DAB1: variants seen among roughly 807,000 people sequenced by gnomAD.
DAB1 encodes the protein disabled homolog 1.
In DAB1, 15 loss-of-function variants were observed where a neutral mutation model predicts 64.6. That is an observed-to-expected ratio of 0.23 (90% confidence interval 0.16 to 0.36). DAB1 has a LOEUF of 0.36. Among genes scored for constraint, DAB1 ranks in the 10% least tolerant of loss-of-function variants. The pLI, the probability that DAB1 is intolerant of heterozygous loss-of-function variation, is 1.00. For synonymous variants in DAB1, 235 were observed against 251.9 expected, an observed-to-expected ratio of 0.93 and a Z score of 0.64; for missense variants, 596 against 706.7, an observed-to-expected ratio of 0.84 and a Z score of 1.78.
At chr1:57,421,592 G>A (rs1684888843) in intron 1 of DAB1, among the ~76,000 whole-genome samples, 1 of 152,034 alleles carries the variant, frequency 6.6e-6, no homozygotes, top group Non-Finnish European at 1.5e-5. Context: ...TTGCCAAATA[G>A]TTACAAAGTC....
intron 7 of DAB1, among the ~76,000 whole-genome samples, chr1:57,439,427 T>TTTTGTTTTTTTTTGTTTTTTTTTTG (rs1558381438): frequency 8.7e-6 from 1 of 114,552 alleles, no homozygotes. Flanking sequence ...GGTTTTTTCT[T>TTTTGTTTTTTTTTGTTTTTTTTTTG]TTTTTTTTTT....
intron 1 of DAB1, among the ~76,000 whole-genome samples, chr1:57,346,588 G>T (rs12139429): frequency 0.42 from 63,674 of 151,790 alleles, 13,792 homozygotes; most frequent in African/African-American, 0.46. Context: ...TTTATTTATT[G>T]TCATCTCAGT....
At chr1:57,378,476 C>T (rs533551685) in intron 1 of DAB1, among the ~76,000 whole-genome samples, 1 of 152,100 alleles carries the variant, frequency 6.6e-6, no homozygotes, top group African/African-American at 2.4e-5. Flanking sequence ...ATAAAGCCAC[C>T]CATTCTGCCC....
chr1:57,985,079 T>C (rs1406270236), intron 5 of DAB1, among the ~76,000 whole-genome samples: 2 of 152,172 alleles, frequency 1.3e-5, no homozygotes, highest in African/African-American at 4.8e-5. Context: ...AACTAATTTT[T>C]GTATTTTCAG....
At chr1:58,310,633 T>A (rs1335617940) in intron 4 of DAB1, among the ~76,000 whole-genome samples, 1 of 152,148 alleles carries the variant, frequency 6.6e-6, no homozygotes, top group Non-Finnish European at 1.5e-5. Flanking sequence ...GCACACAGAC[T>A]GCCCAGTTGC....
intron 4 of DAB1, among the ~76,000 whole-genome samples, chr1:57,134,903 A>C (rs1338714730): frequency 6.6e-6 from 1 of 152,156 alleles, no homozygotes; most frequent in Admixed American, 6.5e-5. Context: ...GTGAGGATTA[A>C]ATGACCTGGT....
intron 7 of DAB1, among the ~76,000 whole-genome samples, chr1:57,443,908 C>T (rs916515358): frequency 4.6e-5 from 7 of 152,202 alleles, no homozygotes; most frequent in African/African-American, 7.2e-5. Flanking sequence ...AGTTTAGAAA[C>T]GTAATTTAGA....
intron 4 of DAB1, among the ~76,000 whole-genome samples, chr1:58,212,480 A>C (rs1233139311): frequency 6.6e-6 from 1 of 152,142 alleles, no homozygotes; most frequent in Non-Finnish European, 1.5e-5. Flanking sequence ...ATCCTCAGGT[A>C]ATTCTGTCTG....
intron 2 of DAB1, among the ~76,000 whole-genome samples, chr1:57,269,804 G>A (rs1436874018): frequency 6.6e-6 from 1 of 152,162 alleles, no homozygotes; most frequent in Non-Finnish European, 1.5e-5. Context: ...GAAGGTTGGA[G>A]AGGGACTGAG....
At chr1:58,223,986 C>A (rs1042376476) in intron 4 of DAB1, among the ~76,000 whole-genome samples, 3 of 152,192 alleles carry the variant, frequency 2.0e-5, no homozygotes, top group Non-Finnish European at 2.9e-5. Flanking sequence ...CTGTCTCCTG[C>A]GTTCTCAAAG....
At chr1:57,081,104 T>G (rs911717025) in intron 4 of DAB1, among the ~76,000 whole-genome samples, 2 of 152,298 alleles carry the variant, frequency 1.3e-5, no homozygotes, top group Admixed American at 6.5e-5. Flanking sequence ...CCAGAAGGCA[T>G]GTACTGTATA....
chr1:57,674,524 A>G (rs1381790479), intron 6 of DAB1, among the ~76,000 whole-genome samples: 3 of 151,972 alleles, frequency 2.0e-5, no homozygotes, highest in African/African-American at 4.8e-5. Flanking sequence ...AGCTCTGCTC[A>G]TCTCTGCTTT....
intron 2 of DAB1, among the ~76,000 whole-genome samples, chr1:57,183,537 G>A (rs969096645): frequency 6.6e-6 from 1 of 152,124 alleles, no homozygotes; most frequent in Non-Finnish European, 1.5e-5. Context: ...GGGTTGATGA[G>A]TCCATTCCTG....
At chr1:57,094,718 C>T (rs1190802994) in intron 4 of DAB1, among the ~76,000 whole-genome samples, 1 of 152,126 alleles carries the variant, frequency 6.6e-6, no homozygotes, top group East Asian at 1.9e-4. Context: ...TATGAGTAGA[C>T]CCACTGAAGG....
intron 4 of DAB1, among the ~76,000 whole-genome samples, chr1:58,188,786 A>C (rs1037321109): frequency 6.6e-6 from 1 of 152,176 alleles, no homozygotes; most frequent in Non-Finnish European, 1.5e-5. Flanking sequence ...AAAGGAGGTA[A>C]CTCACTGATT....
At chr1:57,090,159 A>G (rs780173728) in intron 4 of DAB1, among the ~76,000 whole-genome samples, 48 of 152,190 alleles carry the variant, frequency 3.2e-4, no homozygotes, top group South Asian at 2.1e-4. Context: ...GAATAATAGG[A>G]AGTCTTCAGA....
intron 5 of DAB1, among the ~76,000 whole-genome samples, chr1:58,088,337 G>A (rs560207732): frequency 6.6e-6 from 1 of 152,298 alleles, no homozygotes; most frequent in African/African-American, 2.4e-5. Flanking sequence ...TTGCTGAAAC[G>A]AATCCAAGTG....
intron 3 of DAB1, among the ~76,000 whole-genome samples, chr1:58,444,996 T>C (rs990179924): frequency 6.6e-6 from 1 of 152,220 alleles, no homozygotes; most frequent in Non-Finnish European, 1.5e-5. Context: ...CTACCTCAAA[T>C]ATATATCAGC....
intron 4 of DAB1, among the ~76,000 whole-genome samples, chr1:58,171,146 A>G (rs1656152398): frequency 6.6e-6 from 1 of 152,204 alleles, no homozygotes; most frequent in Non-Finnish European, 1.5e-5. Context: ...TGGAGCTATT[A>G]TCTACATGAA....
Sources: allele counts gnomAD v4.1 joint callset (sites outside exome capture counted in the v4.1 genomes callset), GRCh38; gene constraint gnomAD v4.1.1; transcripts MANE v1.5; gene names NCBI Gene and HGNC (gene_info 2026-07-23, HGNC 2026-07-21).